TYW5: variants seen among roughly 807,000 people sequenced by gnomAD.
TYW5 encodes the protein tRNA wybutosine-synthesizing protein 5.
A neutral mutation model predicts 44.4 loss-of-function variants in TYW5; 36 were observed. The ratio of observed to expected loss-of-function variants is 0.81; its 90% CI spans 0.62 to 1.07. TYW5 has a LOEUF of 1.07. Among genes scored for constraint, TYW5 ranks in the 50% least tolerant of loss-of-function variants. The probability of loss-of-function intolerance (pLI) is 0.00; values close to 1 mark genes in which losing one functional copy is unlikely to be tolerated. For synonymous variants in TYW5, 121 were observed against 128.1 expected (o/e 0.94, Z 0.37); for missense variants, 354 against 365.7 (o/e 0.97, Z 0.26).
chr2:199,931,230 TTC>T lies in TYW5; in HGVS notation c.*1835_*1836del, dbSNP rs2077375136. 6.6e-6 allele frequency: 1 copy of T among 152,190 alleles called. No homozygotes were observed. Among genetic ancestry groups the T allele is most frequent in the Non-Finnish European group, 1.5e-5 (1 of 68,024 alleles). 9.4% of individuals were successfully genotyped at this position (152,190 alleles called of 1,614,324 possible). A position where few individuals can be genotyped will look rare whatever the true frequency, so the allele number is the denominator to read the frequency against. On this transcript the variant is annotated 3_prime_UTR_variant, in exon 8 of 8. Transcript: ENST00000354611. ...CCTTGAACTCTCTGCATTTTTGTAGTTCTGTTTTAAAGATGAGGAAAATAAGC... is the reference window on the plus strand; with the variant it reads ...CCTTGAACTCTCTGCATTTTTGTAGTTGTTTTAAAGATGAGGAAAATAAGC...
chr2:199,941,257 T>C (rs541093137), intron 3 of TYW5, among the ~76,000 whole-genome samples: 2 of 152,224 alleles, frequency 1.3e-5, no homozygotes, highest in Admixed American at 1.3e-4. Flanking sequence ...TCCAAGTTGG[T>C]CTCGAACTCC....
intron 7 of TYW5, among the ~76,000 whole-genome samples, chr2:199,935,006 AT>A (rs919047260): frequency 5.3e-5 from 8 of 150,936 alleles, no homozygotes; most frequent in Admixed American, 6.6e-5. Flanking sequence ...GATACTTATC[AT>A]TTTTTTTTGG....
At chr2:199,936,657 A>G (rs139474032) in intron 5 of TYW5, among the ~76,000 whole-genome samples, 165 bp from the exon 6 acceptor site, 1,887 of 152,338 alleles carry the variant, frequency 0.012, 18 homozygotes, top group Non-Finnish European at 0.018. Context: ...TCCATATACA[A>G]CTGGGCCTTC....
At chr2:199,946,956 T>G (rs961043836) in intron 2 of TYW5, 5 of 152,206 alleles carry the variant, frequency 3.3e-5, no homozygotes, top group African/African-American at 4.8e-5. Flanking sequence ...CAGTACTCAT[T>G]TGTTATGGCA....
At chr2:199,949,825 T>C (rs2077531231) in intron 1 of TYW5, among the ~76,000 whole-genome samples, 1 of 152,204 alleles carries the variant, frequency 6.6e-6, no homozygotes, top group African/African-American at 2.4e-5. Context: ...CATCCTAATA[T>C]CGAAATGAGC....
chr2:199,935,787 G>C (rs1012286472), intron 7 of TYW5, 144 bp downstream of exon 7: 27 of 603,240 alleles, frequency 4.5e-5, no homozygotes, highest in African/African-American at 7.8e-5. Context: ...CGCACACACA[G>C]AGTTTTGTCT....
At chr2:199,940,274 AT>A (rs1462294542) in intron 3 of TYW5, 141 bp from the exon 4 acceptor site, 1 of 684,988 alleles carries the variant, frequency 1.5e-6, no homozygotes. Context: ...ACGGAAAAAA[AT>A]AAAACACCTT....
At chr2:199,937,512 A>T (rs946378890) in intron 5 of TYW5, among the ~76,000 whole-genome samples, 21 of 152,078 alleles carry the variant, frequency 1.4e-4, no homozygotes, top group East Asian at 5.8e-4. Flanking sequence ...AAAATAAAAA[A>T]AAAAAAATTA....
chr2:199,948,264 A>T lies in TYW5; in HGVS notation c.233+54T>A, dbSNP rs564891952. Reference sequence around the variant, plus strand: ...TTGTATAATAATGCAAAAATATTTTAAAAGTTTTTAAAAAGTTATTTGTAT... The same window carrying T: ...TTGTATAATAATGCAAAAATATTTTTAAAGTTTTTAAAAAGTTATTTGTAT... On this transcript the variant is annotated intron_variant, in intron 2 of 7. Transcript: ENST00000354611. 7.5e-5 allele frequency: 119 copies of T among 1,586,222 alleles called. No homozygotes were observed. In the African/African-American group the frequency reaches 1.3e-3, roughly 18 times the overall value.
In TYW5 at chr2:199,933,183, T is replaced by C. The variant is rs374605496; in HGVS notation, c.832A>G (p.Ile278Val). The stretch of plus-strand genomic sequence containing the variant: ...AGTGTTTTCAAGGCTCTGTCCAGAA[T>C]TTGTGCAGCTCTTGATGCTGCTGTA... The part of the protein sequence containing the change: ...DPTAASRAAQ[I>V]LDRALKTLAE... Residue 278 changes from isoleucine to valine, a missense_variant, in exon 8 of 8, where the codon ATT becomes GTT. Physicochemically the swap from Ile to Val is conservative, Grantham distance 29. Coordinates refer to ENST00000354611, the MANE Select transcript of TYW5 (RefSeq NM_001039693.3). The C allele has an allele frequency of 8.1e-6, 13 of 1,614,040 alleles. No homozygotes were observed. Among genetic ancestry groups the C allele is most frequent in the African/African-American group, 4.0e-5 (3 of 74,926 alleles).
In TYW5 at chr2:199,931,916, T is replaced by C. The variant is rs547725840; in HGVS notation, c.*1151A>G. On this transcript the variant is annotated 3_prime_UTR_variant, in exon 8 of 8. Coordinates refer to ENST00000354611, the MANE Select transcript of TYW5 (RefSeq NM_001039693.3). Reference sequence around the variant, plus strand: ...TCACTGTCTTCGATGACAACACTTTTAGGATCTCATTTATTCATTCTTTAA... The same window carrying C: ...TCACTGTCTTCGATGACAACACTTTCAGGATCTCATTTATTCATTCTTTAA... The C allele has an allele frequency of 2.9e-4, 44 of 152,308 alleles. No homozygotes were observed. The highest frequency in any genetic ancestry group is 1.0e-3 in the African/African-American group (42 of 41,570). The allele number at this position is 152,308 out of a possible 1,614,324, so 9.4% of individuals were successfully genotyped here.
chr2:199,938,655 G>GA (rs898248025), intron 5 of TYW5, among the ~76,000 whole-genome samples: 2 of 150,280 alleles, frequency 1.3e-5, no homozygotes, highest in African/African-American at 2.4e-5. Context: ...TTTTCACATG[G>GA]AAAAAAAAAT....
At chr2:199,939,358 C>T (rs919820006) in intron 4 of TYW5, among the ~76,000 whole-genome samples, 1 of 152,184 alleles carries the variant, frequency 6.6e-6, no homozygotes, top group African/African-American at 2.4e-5. Flanking sequence ...CCACCTCAGC[C>T]TCCCAAAGTG....
At chr2:199,941,171 G>C (rs1420482312) in intron 3 of TYW5, among the ~76,000 whole-genome samples, 1 of 152,128 alleles carries the variant, frequency 6.6e-6, no homozygotes, top group Non-Finnish European at 1.5e-5. Flanking sequence ...CAATCCTCCT[G>C]CCTCAGCCTC....
chr2:199,953,919 TA>T (rs980328538), intron 1 of TYW5, among the ~76,000 whole-genome samples: 1 of 152,190 alleles, frequency 6.6e-6, no homozygotes, highest in African/African-American at 2.4e-5. Context: ...CCACATACCC[TA>T]ATCTTCACAA....
chr2:199,948,621 C>A, intron 1 of TYW5, 149 bp from the exon 2 acceptor site: 1 of 703,862 alleles, frequency 1.4e-6, no homozygotes, highest in Non-Finnish European at 2.3e-6. Context: ...TTCATGCTGT[C>A]ACTAAAACAA....
chr2:199,941,285 C>T (rs2077462611), intron 3 of TYW5, among the ~76,000 whole-genome samples: 1 of 152,190 alleles, frequency 6.6e-6, no homozygotes, highest in Admixed American at 6.5e-5. Context: ...AAGTGATCCT[C>T]CGGTGTTGGC....
At chr2:199,936,280 C>T in intron 6 of TYW5, 125 bp downstream of exon 6, 2 of 824,304 alleles carry the variant, frequency 2.4e-6, no homozygotes, top group South Asian at 1.8e-5. Flanking sequence ...CCTGTTATTA[C>T]ATATATACAC....
chr2:199,955,276 C>T, intron 1 of TYW5, 117 bp downstream of exon 1: 1 of 1,167,048 alleles, frequency 8.6e-7, no homozygotes, highest in Non-Finnish European at 1.2e-6. Context: ...GATCTGCTGC[C>T]GTCCTGCGCC....
Sources: allele counts gnomAD v4.1 joint callset (sites outside exome capture counted in the v4.1 genomes callset), GRCh38; gene constraint gnomAD v4.1.1; transcripts MANE v1.5; gene names NCBI Gene and HGNC (gene_info 2026-07-23, HGNC 2026-07-21).